The following GLS variants were observed in gnomAD, a reference collection of about 807,000 sequenced individuals.
GLS encodes the protein glutaminase.
A neutral mutation model predicts 86.7 loss-of-function variants in GLS; 36 were observed. The observed-to-expected ratio is 0.42, with a 90% CI of 0.32 to 0.55. GLS has a LOEUF of 0.55. Among genes scored for constraint, GLS ranks in the 20% least tolerant of loss-of-function variants. The probability of loss-of-function intolerance (pLI) is 0.17; values close to 1 mark genes in which losing one functional copy is unlikely to be tolerated. For synonymous variants in GLS, 317 were observed against 305.9 expected, an observed-to-expected ratio of 1.04 and a Z score of -0.38; for missense variants, 528 against 833.4, an observed-to-expected ratio of 0.63 and a Z score of 4.51.
At chr2:190,934,087 T>TATA in intron 14 of GLS, 5 of 976,700 alleles carry the variant, frequency 5.1e-6, no homozygotes, top group Non-Finnish European at 6.1e-6. Context: ...CATATACTTC[T>TATA]CTGGTTTTCC....
chr2:190,920,933 A>G lies in GLS; in HGVS notation c.1039-91A>G. On this transcript the variant is annotated intron_variant, in intron 7 of 17. Coordinates refer to ENST00000320717, the MANE Select transcript of GLS (RefSeq NM_014905.5). This position sits in a 1 kb window ranked among gnomAD's most constrained non-coding sequence, Gnocchi z 4.2. ...TTTAAAAATACTAATGCAGTATATTATAATAGTAGCTTTGAAATTTTGATA... is the reference window on the plus strand; with the variant it reads ...TTTAAAAATACTAATGCAGTATATTGTAATAGTAGCTTTGAAATTTTGATA... The G allele has an allele frequency of 1.4e-6, 1 of 696,274 alleles. No individual in the cohort carries two copies. The highest frequency in any genetic ancestry group is 2.6e-6 in the Non-Finnish European group (1 of 382,720). 43.1% of individuals were successfully genotyped at this position (696,274 alleles called of 1,614,324 possible). A position where few individuals can be genotyped will look rare whatever the true frequency, so the allele number is the denominator to read the frequency against.
Position 190,938,731 on chromosome 2 carries a change from A to G in GLS, c.1650+7094A>G, listed in dbSNP as rs1014845676. Among the ~76,000 whole-genome samples, 1 of 151,678 alleles carries G rather than the reference A, an allele frequency of 6.6e-6. No homozygotes were observed. The highest frequency in any genetic ancestry group is 2.4e-5 in the African/African-American group (1 of 41,410). ...TTTGTGGTTTAGTTTTAATGAGAGA[A>G]GCATAATTGGCAGTAGTTAATGTGA... On this transcript the variant is annotated intron_variant, in intron 14 of 17. Coordinates refer to ENST00000320717, the MANE Select transcript of GLS (RefSeq NM_014905.5). The surrounding 1 kb of genome is among the most constrained non-coding windows in gnomAD (Gnocchi z 4.1).
Position 190,928,903 on chromosome 2 carries a change from T to G in GLS, c.1425+1421T>G, listed in dbSNP as rs1574603441. Among the ~76,000 whole-genome samples the G allele has an allele frequency of 3.0e-5, 4 of 132,298 alleles. No homozygotes were observed. The South Asian group carries it at 7.2e-4, about 24-fold the overall frequency. 86.8% of individuals were successfully genotyped at this position (132,298 alleles called of 152,430 possible). On this transcript the variant is annotated intron_variant, in intron 12 of 17. Transcript: ENST00000320717. ...TCCAATTCAGGTGTGTTTTTTTTTT[T>G]TTTTTTTTTTTTTGGTCTGCTTGTT... is the stretch of plus-strand genomic sequence containing the variant.
At chr2:190,882,289 C>A (rs1215167061) in intron 1 of GLS, among the ~76,000 whole-genome samples, 1 of 152,170 alleles carries the variant, frequency 6.6e-6, no homozygotes. Flanking sequence ...TTTGTGACTT[C>A]ATTGTGATAG....
At chr2:190,950,883 T>G (rs1024213155) in intron 14 of GLS, among the ~76,000 whole-genome samples, 2 of 152,168 alleles carry the variant, frequency 1.3e-5, no homozygotes, top group African/African-American at 4.8e-5. Context: ...ATTTTGGGTA[T>G]AAGTCTGAGA....
chr2:190,957,417 T>G (rs1690886429), intron 17 of GLS, among the ~76,000 whole-genome samples: 1 of 152,190 alleles, frequency 6.6e-6, no homozygotes, highest in Non-Finnish European at 1.5e-5. Context: ...CTTGCCTGAT[T>G]GTCCTAGCCA....
At chr2:190,960,552 T>TTTTTATA (rs1690977205) in intron 17 of GLS, among the ~76,000 whole-genome samples, 1 of 151,686 alleles carries the variant, frequency 6.6e-6, no homozygotes, top group Non-Finnish European at 1.5e-5. Flanking sequence ...TATTTTTTAT[T>TTTTTATA]TTTTGTAGAG....
rs115295686 is a variant in GLS at position 190,960,324 on chromosome 2, T to C, written c.1854-2506T>C. Among the ~76,000 whole-genome samples, 465 of 152,082 alleles carry C rather than the reference T, an allele frequency of 3.1e-3. 3 individuals carry two copies. Among genetic ancestry groups the C allele is most frequent in the African/African-American group, 0.011 (439 of 41,504 alleles). On this transcript the variant is annotated intron_variant, in intron 17 of 17. Transcript: ENST00000320717. ...TAAGTTTGGAGCAAGTTGATTACTC[T>C]TTAGCTGTATTGTGTTTCTGTTTAT...
chr2:190,887,595 A>G (rs1051120707), intron 1 of GLS, among the ~76,000 whole-genome samples: 11 of 152,150 alleles, frequency 7.2e-5, no homozygotes, highest in African/African-American at 1.9e-4. Flanking sequence ...TTTGAGTGAC[A>G]TAGACCCGTC....
chr2:190,902,133 C>T, intron 5 of GLS, 107 bp downstream of exon 5: 1 of 656,442 alleles, frequency 1.5e-6, no homozygotes, highest in Non-Finnish European at 2.8e-6. Context: ...TTAGTCCTAA[C>T]AGGATATAAT....
rs1209579567 is a variant in GLS, at chr2:190,880,918, G to GCAGCAGCAGCAC, written c.-165_-164insGCAGCAGCACCA. On this transcript the variant is annotated 5_prime_UTR_variant, in exon 1 of 18. Transcript: ENST00000320717. ...AGCAGCAGCAGCAGCAGCAGCAGCAGCACCCGCATCCGCTGCGGGAGTCCG... is the reference window on the plus strand; with the variant it reads ...AGCAGCAGCAGCAGCAGCAGCAGCAGCAGCAGCAGCACCACCCGCATCCGCTGCGGGAGTCCG... 44 of 882,478 alleles carry GCAGCAGCAGCAC rather than the reference G, an allele frequency of 5.0e-5. 2 individuals carry two copies. The highest frequency in any genetic ancestry group is 6.2e-5 in the Non-Finnish European group (36 of 578,070). 54.7% of individuals were successfully genotyped at this position (882,478 alleles called of 1,614,324 possible). A position where few individuals can be genotyped will look rare whatever the true frequency, so the allele number is the denominator to read the frequency against.
intron 7 of GLS, among the ~76,000 whole-genome samples, chr2:190,915,914 G>A (rs1273562710): frequency 1.3e-5 from 2 of 152,184 alleles, no homozygotes; most frequent in African/African-American, 2.4e-5. Context: ...GTCAATAGGA[G>A]CATTAGCATA....
rs769243156 is a variant in GLS at position 190,963,673 on chromosome 2, C to G, written c.*687C>G. The G allele has an allele frequency of 6.6e-6, 1 of 152,632 alleles. No individual in the cohort carries two copies. Among genetic ancestry groups the G allele is most frequent in the Non-Finnish European group, 1.5e-5 (1 of 68,028 alleles). 9.5% of individuals were successfully genotyped at this position (152,632 alleles called of 1,614,324 possible). A position where few individuals can be genotyped will look rare whatever the true frequency, so the allele number is the denominator to read the frequency against. ...ATATCCCCTTAGTCCAGCCTCTCTT[C>G]TCAGACATTTAGCTATCTGCCTCTT... is the stretch of plus-strand genomic sequence containing the variant. On this transcript the variant is annotated 3_prime_UTR_variant, in exon 18 of 18. Transcript: ENST00000320717.
intron 7 of GLS, chr2:190,919,775 CAA>C (rs1318141286): frequency 2.6e-6 from 1 of 384,062 alleles, no homozygotes; most frequent in Non-Finnish European, 3.6e-6. Flanking sequence ...AAAATTATGT[CAA>C]AGGATACTTT....
chr2:190,899,631 C>T (rs115647663), intron 3 of GLS, among the ~76,000 whole-genome samples: 2,245 of 152,064 alleles, frequency 0.015, 27 homozygotes, highest in Non-Finnish European at 0.022. Flanking sequence ...AGCAAGTCTT[C>T]CTTTGTTAAT....
intron 1 of GLS, among the ~76,000 whole-genome samples, chr2:190,887,667 A>G (rs541352842): frequency 5.3e-5 from 8 of 152,122 alleles, no homozygotes; most frequent in Non-Finnish European, 1.0e-4. Flanking sequence ...GGAACTTACA[A>G]AGTATTCATA....
Position 190,927,325 on chromosome 2 carries a change from C to G in GLS, c.1268C>G (p.Thr423Ser), listed in dbSNP as rs1283392901. 1 of 1,611,810 alleles carries G rather than the reference C, an allele frequency of 6.2e-7. No individual in the cohort carries two copies. The highest frequency in any genetic ancestry group is 1.3e-5 in the African/African-American group (1 of 74,828). The change falls in exon 12 of 18, where the codon ACT becomes AGT. Residue 423 changes from threonine to serine, a missense_variant. Thr to Ser is a moderately conservative substitution (Grantham distance 58). Around this residue, in one of 4 missense-constraint regions of GLS, gnomAD observed 163 missense variants for 429.2 expected, o/e 0.38. Coordinates refer to ENST00000320717, the MANE Select transcript of GLS (RefSeq NM_014905.5). ...FYFQLCSIEV[T>S]CESASVMAAT... ...TGTTAGCTGTGCTCCATTGAAGTGA[C>G]TTGTGAATCAGCCAGTGTGATGGCT...
chr2:190,934,352 G>T (rs956519740), intron 14 of GLS: 20 of 964,316 alleles, frequency 2.1e-5, no homozygotes, highest in Non-Finnish European at 2.5e-5. Context: ...CCTTCTAGAG[G>T]TGCTGGCCAA....
intron 7 of GLS, among the ~76,000 whole-genome samples, chr2:190,912,692 C>T (rs1288345286): frequency 6.6e-6 from 1 of 152,098 alleles, no homozygotes; most frequent in African/African-American, 2.4e-5. Flanking sequence ...TCCTGATACT[C>T]AATGTGCTGT....
Sources: gnomAD v4.1 joint callset for allele counts (sites outside exome capture counted in the v4.1 genomes callset) on GRCh38, gnomAD v4.1.1 for gene constraint, gnomAD v4.1.1 regional missense constraint, Gnocchi (gnomAD v3.1) non-coding constraint, MANE v1.5 for transcripts, NCBI Gene and HGNC (gene_info 2026-07-23, HGNC 2026-07-21) for gene names.